TRABD2B: variants seen among roughly 807,000 people sequenced by gnomAD.
TRABD2B encodes TraB domain containing 2B, also known as metalloprotease TIKI2.
Under a neutral mutation model 40.1 loss-of-function variants are expected in TRABD2B, and 14 were observed. The ratio of observed to expected loss-of-function variants is 0.35; its 90% CI spans 0.23 to 0.55. The LOEUF (loss-of-function observed/expected upper bound fraction) is 0.55. Ranked by LOEUF, TRABD2B falls within the 20% of genes least tolerant of loss-of-function variation. The pLI, the probability that TRABD2B is intolerant of heterozygous loss-of-function variation, is 0.90. For synonymous variants in TRABD2B, 263 were observed against 277.0 expected (o/e 0.95, Z 0.50); for missense variants, 541 against 648.6 (o/e 0.83, Z 1.80).
At chr1:47,789,240 T>C (rs925095051) in intron 4 of TRABD2B, among the ~76,000 whole-genome samples, 2 of 152,102 alleles carry the variant, frequency 1.3e-5, no homozygotes, top group Non-Finnish European at 2.9e-5. Flanking sequence ...GGTGACAACA[T>C]CCACATTTAC....
chr1:47,781,178 T>C (rs1644516612), intron 4 of TRABD2B, among the ~76,000 whole-genome samples: 1 of 152,190 alleles, frequency 6.6e-6, no homozygotes, highest in South Asian at 2.1e-4. Context: ...AGGAACTCTC[T>C]GCAAGCGGCT....
intron 2 of TRABD2B, among the ~76,000 whole-genome samples, chr1:47,899,538 C>T (rs529440046): frequency 2.0e-5 from 3 of 152,350 alleles, no homozygotes; most frequent in South Asian, 2.1e-4. Context: ...TATCTGCCTA[C>T]GTGGCACTCT....
chr1:47,822,220 C>T (rs1304489902), intron 2 of TRABD2B, among the ~76,000 whole-genome samples: 1 of 152,114 alleles, frequency 6.6e-6, no homozygotes, highest in Non-Finnish European at 1.5e-5. Flanking sequence ...GAGGCCTGAC[C>T]GATCCACTAC....
intron 2 of TRABD2B, among the ~76,000 whole-genome samples, chr1:47,837,793 G>A (rs1645339885): frequency 1.3e-5 from 2 of 152,206 alleles, no homozygotes; most frequent in Non-Finnish European, 2.9e-5. Flanking sequence ...AGCCTGCTAT[G>A]GGCCAGGCCT....
intron 2 of TRABD2B, among the ~76,000 whole-genome samples, chr1:47,921,541 T>C (rs1052412258): frequency 2.0e-5 from 3 of 152,248 alleles, no homozygotes; most frequent in African/African-American, 4.8e-5. Flanking sequence ...CACCCACCTA[T>C]GTGACAGTGT....
At chr1:47,819,270 A>T (rs1200316647) in intron 2 of TRABD2B, 1 of 152,260 alleles carries the variant, frequency 6.6e-6, no homozygotes, top group Non-Finnish European at 1.5e-5. Context: ...CGGGAGGATC[A>T]CGGCCCATGC....
intron 2 of TRABD2B, among the ~76,000 whole-genome samples, chr1:47,897,405 G>A (rs939892570): frequency 2.0e-5 from 3 of 152,114 alleles, no homozygotes; most frequent in Admixed American, 1.3e-4. Flanking sequence ...CTGCGGAATG[G>A]CCCTGATGGA....
chr1:47,921,776 G>A (rs1304949244), intron 2 of TRABD2B, among the ~76,000 whole-genome samples: 6 of 152,146 alleles, frequency 3.9e-5, no homozygotes, highest in African/African-American at 4.8e-5. Context: ...GACTCTGGCC[G>A]TCACCCTTGC....
Position 47,980,865 on chromosome 1 carries a change from A to C in TRABD2B, c.666+13169T>G, listed in dbSNP as rs569276655. ...TCCCAGGGCCACAGCCTTCCTCAAGAGGGACCCTCAGAAGTCTCTCAGCTC... is the reference window on the plus strand; with the variant it reads ...TCCCAGGGCCACAGCCTTCCTCAAGCGGGACCCTCAGAAGTCTCTCAGCTC... On this transcript the variant is annotated intron_variant, in intron 2 of 6. Transcript: ENST00000606738. Among the ~76,000 whole-genome samples the C allele has an allele frequency of 5.3e-5, 8 of 152,196 alleles. No homozygotes were observed. The East Asian group carries it at 1.5e-3, about 29-fold the overall frequency.
chr1:47,881,292 C>T (rs774135344), intron 2 of TRABD2B, among the ~76,000 whole-genome samples: 15 of 152,090 alleles, frequency 9.9e-5, no homozygotes, highest in Non-Finnish European at 1.9e-4. Context: ...CTCTGTGTGC[C>T]CCTGTGTCAC....
intron 2 of TRABD2B, among the ~76,000 whole-genome samples, chr1:47,892,528 A>G (rs1644462590): frequency 6.6e-6 from 1 of 152,220 alleles, no homozygotes; most frequent in South Asian, 2.1e-4. Flanking sequence ...TCCTCGGTAC[A>G]AAGTAAGAAT....
At chr1:47,780,069 T>G (rs904307981) in intron 4 of TRABD2B, among the ~76,000 whole-genome samples, 2 of 152,196 alleles carry the variant, frequency 1.3e-5, no homozygotes, top group African/African-American at 2.4e-5. Context: ...GATCTCCCTC[T>G]TGCTGACCAT....
chr1:47,803,692 G>A (rs181994551), intron 2 of TRABD2B, among the ~76,000 whole-genome samples: 4 of 152,310 alleles, frequency 2.6e-5, no homozygotes, highest in Non-Finnish European at 4.4e-5. Flanking sequence ...TTAGCTACCA[G>A]CCTCCCACAT....
chr1:47,765,450 G>A lies in TRABD2B; in HGVS notation c.*452C>T, dbSNP rs901747275. On this transcript the variant is annotated 3_prime_UTR_variant, in exon 7 of 7. Transcript: ENST00000606738. Reference sequence around the variant, plus strand: ...ATCCAGCTTCACAAAGGCTAAGCCTGCCTGCCTGCCCCTCCTGCTGAGGGC... The same window carrying A: ...ATCCAGCTTCACAAAGGCTAAGCCTACCTGCCTGCCCCTCCTGCTGAGGGC... The A allele has an allele frequency of 1.2e-5, 2 of 160,936 alleles. No homozygotes were observed. Among genetic ancestry groups the A allele is most frequent in the Non-Finnish European group, 2.7e-5 (2 of 73,408 alleles). The allele number at this position is 160,936 out of a possible 1,614,324, so 10.0% of individuals were successfully genotyped here. A position where few individuals can be genotyped will look rare whatever the true frequency, so the allele number is the denominator to read the frequency against.
chr1:47,978,888 A>C (rs1645799570), intron 2 of TRABD2B, among the ~76,000 whole-genome samples: 2 of 152,214 alleles, frequency 1.3e-5, no homozygotes. Context: ...TGCTCTGGGA[A>C]AAACACAGAA....
At chr1:47,824,106 G>A (rs1272855825) in intron 2 of TRABD2B, among the ~76,000 whole-genome samples, 1 of 152,162 alleles carries the variant, frequency 6.6e-6, no homozygotes, top group Non-Finnish European at 1.5e-5. Flanking sequence ...ATTTCCTCAC[G>A]GTGAAGTGGG....
intron 2 of TRABD2B, chr1:47,819,145 G>C (rs935872922): frequency 6.6e-6 from 1 of 152,302 alleles, no homozygotes; most frequent in Admixed American, 6.5e-5. Context: ...CAATCTAGCA[G>C]GGCTAGGGCA....
rs556253940 is a variant in TRABD2B at position 47,970,058 on chromosome 1, T to C, written c.666+23976A>G. Reference sequence around the variant, plus strand: ...AGCCCTGACCCCACACTCAAGCACTTACTCATTTTAAGAGCTCAGCAAACA... The same window carrying C: ...AGCCCTGACCCCACACTCAAGCACTCACTCATTTTAAGAGCTCAGCAAACA... On this transcript the variant is annotated intron_variant, in intron 2 of 6. Transcript: ENST00000606738. 2.6e-5 allele frequency among the ~76,000 whole-genome samples: 4 copies of C among 152,244 alleles called. No individual in the cohort carries two copies. The South Asian group carries it at 8.3e-4, about 32-fold the overall frequency.
chr1:47,767,897 C>T (rs569948724), intron 6 of TRABD2B, among the ~76,000 whole-genome samples: 57 of 152,336 alleles, frequency 3.7e-4, no homozygotes, highest in African/African-American at 1.3e-3. Context: ...ATCACCACCA[C>T]CAGAACTAAG....
Sources: gnomAD v4.1 joint callset for allele counts (sites outside exome capture counted in the v4.1 genomes callset) on GRCh38, gnomAD v4.1.1 for gene constraint, MANE v1.5 for transcripts, NCBI Gene and HGNC (gene_info 2026-07-23, HGNC 2026-07-21) for gene names.